SYNPR: variants seen among roughly 807,000 people sequenced by gnomAD.
SYNPR encodes synaptoporin.
SYNPR carries 23 observed loss-of-function variants against 32.9 expected under a neutral mutation model. The observed-to-expected ratio is 0.70, with a 90% CI of 0.50 to 0.99. The LOEUF (loss-of-function observed/expected upper bound fraction) is 0.99. SYNPR is among the 50% of genes least tolerant of loss of function. The pLI is 0.00. For synonymous variants in SYNPR, 146 were observed against 135.9 expected, an observed-to-expected ratio of 1.07 and a Z score of -0.52; for missense variants, 318 against 349.3, an observed-to-expected ratio of 0.91 and a Z score of 0.71.
rs141229307 is a variant in SYNPR, at chr3:63,306,703, G to C, written c.84+27961G>C. 3.0e-3 allele frequency among the ~76,000 whole-genome samples: 459 copies of C among 152,122 alleles called. 2 individuals carry two copies. Among genetic ancestry groups the C allele is most frequent in the African/African-American group, 0.01 (429 of 41,536 alleles). On this transcript the variant is annotated intron_variant, in intron 2 of 5. Transcript: ENST00000478300. ...GCTCTCTCTCCCTTATCCTTGAAAA[G>C]GATTAAGTTTCTTTGCCCAATTTTA...
intron 3 of SYNPR, among the ~76,000 whole-genome samples, chr3:63,524,853 ATGTGTGTGTGTGTGTGT>A (rs1559526059): frequency 1.4e-4 from 9 of 66,366 alleles, no homozygotes; most frequent in African/African-American, 3.7e-4. Flanking sequence ...GTGTGTGTGC[ATGTGTGTGTGTGTGTGT>A]GAGAGAGAGA....
intron 3 of SYNPR, among the ~76,000 whole-genome samples, chr3:63,269,463 G>T (rs1023555764): frequency 6.6e-6 from 1 of 151,708 alleles, no homozygotes; most frequent in African/African-American, 2.4e-5. Flanking sequence ...GGGCAACAGA[G>T]TGAGACTCCA....
chr3:63,355,250 G>A (rs1334503896), intron 2 of SYNPR, among the ~76,000 whole-genome samples: 1 of 150,024 alleles, frequency 6.7e-6, no homozygotes, highest in African/African-American at 2.5e-5. Flanking sequence ...CTGCACTCCA[G>A]CCTGGGTGAC....
At chr3:63,492,537 G>C (rs1473022770) in intron 3 of SYNPR, among the ~76,000 whole-genome samples, 1 of 152,154 alleles carries the variant, frequency 6.6e-6, no homozygotes, top group Non-Finnish European at 1.5e-5. Flanking sequence ...GTTCTATTTA[G>C]GTAAGATCTG....
chr3:63,478,514 G>T (rs7612979), intron 2 of SYNPR, among the ~76,000 whole-genome samples: 4,947 of 152,166 alleles, frequency 0.033, 271 homozygotes, highest in African/African-American at 0.11. Flanking sequence ...TATGTTACAT[G>T]CTGGACACAA....
At chr3:63,609,669 G>T (rs929496786) in intron 5 of SYNPR, among the ~76,000 whole-genome samples, 1 of 152,198 alleles carries the variant, frequency 6.6e-6, no homozygotes, top group African/African-American at 2.4e-5. Flanking sequence ...CAATTTAGGA[G>T]GCCAAGGTGG....
chr3:63,355,921 G>A (rs62251367), intron 2 of SYNPR, among the ~76,000 whole-genome samples: 1 of 152,190 alleles, frequency 6.6e-6, no homozygotes, highest in African/African-American at 2.4e-5. Context: ...GATTATGAGT[G>A]TCTTGGAAAC....
chr3:63,398,453 G>T lies in SYNPR; in HGVS notation c.85-82379G>T, dbSNP rs191867129. Among the ~76,000 whole-genome samples the T allele has an allele frequency of 5.6e-3, 855 of 152,204 alleles. 2 individuals carry two copies. Among genetic ancestry groups the T allele is most frequent in the Non-Finnish European group, 8.6e-3 (584 of 68,000 alleles). ...AGTGTACTTTTGGCCAGGCGCGGTG[G>T]CTCACGCCTGTAATCCCAGCACTTT... On this transcript the variant is annotated intron_variant, in intron 2 of 5. Coordinates refer to ENST00000478300, the MANE Select transcript of SYNPR (RefSeq NM_001130003.2).
At chr3:63,607,245 C>T (rs1028004367) in intron 4 of SYNPR, among the ~76,000 whole-genome samples, 1 of 152,258 alleles carries the variant, frequency 6.6e-6, no homozygotes, top group Non-Finnish European at 1.5e-5. Flanking sequence ...CTCTGTAAGA[C>T]CTTCCTCAAT....
chr3:63,282,391 A>G (rs1240548805), intron 2 of SYNPR, among the ~76,000 whole-genome samples: 1 of 152,234 alleles, frequency 6.6e-6, no homozygotes, highest in East Asian at 1.9e-4. Context: ...TATCAACAAG[A>G]TATGCTATGT....
At chr3:63,287,229 C>T (rs948951156) in intron 2 of SYNPR, among the ~76,000 whole-genome samples, 8 of 152,214 alleles carry the variant, frequency 5.3e-5, no homozygotes, top group Non-Finnish European at 1.0e-4. Flanking sequence ...GCTCTGTACA[C>T]GTTTCACATT....
chr3:63,453,863 A>G (rs1277737102), intron 2 of SYNPR, among the ~76,000 whole-genome samples: 1 of 152,192 alleles, frequency 6.6e-6, no homozygotes, highest in East Asian at 1.9e-4. Flanking sequence ...ACTACAATAA[A>G]TAAATCACAA....
At chr3:63,231,172 A>G (rs1237288145) in intron 1 of SYNPR, among the ~76,000 whole-genome samples, 1 of 152,230 alleles carries the variant, frequency 6.6e-6, no homozygotes, top group Non-Finnish European at 1.5e-5. Context: ...AGCCATAAAA[A>G]GGAACAAAAT....
At chr3:63,236,815 G>C (rs2086203892) in intron 1 of SYNPR, among the ~76,000 whole-genome samples, 1 of 152,096 alleles carries the variant, frequency 6.6e-6, no homozygotes, top group African/African-American at 2.4e-5. Flanking sequence ...AATATGAACA[G>C]TTTTAATTCT....
At chr3:63,396,620 T>C (rs2088217773) in intron 2 of SYNPR, among the ~76,000 whole-genome samples, 1 of 152,174 alleles carries the variant, frequency 6.6e-6, no homozygotes, top group Non-Finnish European at 1.5e-5. Context: ...AGATGTATGA[T>C]GGAGGCCCGA....
chr3:63,445,424 T>C (rs1700257720), intron 2 of SYNPR: 2 of 607,316 alleles, frequency 3.3e-6, no homozygotes, highest in Non-Finnish European at 5.9e-6. Flanking sequence ...GAAAGGTCCA[T>C]AATATCATAA....
At chr3:63,559,319 C>G (rs574814381) in intron 4 of SYNPR, among the ~76,000 whole-genome samples, 3 of 152,262 alleles carry the variant, frequency 2.0e-5, no homozygotes, top group East Asian at 1.9e-4. Flanking sequence ...CTCAAGCAAT[C>G]TAGCAGCCTT....
intron 2 of SYNPR, among the ~76,000 whole-genome samples, chr3:63,285,373 T>C: frequency 8.4e-6 from 1 of 118,552 alleles, no homozygotes. Flanking sequence ...TTTCCTCTTT[T>C]GTTAAAAAAA....
At chr3:63,510,915 C>CTGTGTGTGTGTGTGTGTGTG (rs755622968) in intron 3 of SYNPR, among the ~76,000 whole-genome samples, 4,788 of 149,120 alleles carry the variant, frequency 0.032, 95 homozygotes, top group African/African-American at 0.042. Flanking sequence ...AAAGGTACAA[C>CTGTGTGTGTGTGTGTGTGTG]TGTGTGTGTG....
Sources: gnomAD v4.1 joint callset for allele counts (sites outside exome capture counted in the v4.1 genomes callset) on GRCh38, gnomAD v4.1.1 for gene constraint, MANE v1.5 for transcripts, NCBI Gene and HGNC (gene_info 2026-07-23, HGNC 2026-07-21) for gene names.